RALYL: variants seen among roughly 807,000 people sequenced by gnomAD.
RALYL encodes the protein RALY RNA binding protein like, also known as RNA-binding Raly-like protein.
RALYL carries 29 observed loss-of-function variants against 35.1 expected under a neutral mutation model. That is an observed-to-expected ratio of 0.83 (90% CI 0.61 to 1.13). The LOEUF (loss-of-function observed/expected upper bound fraction) is 1.13. Among genes scored for constraint, RALYL ranks in the 50% most tolerant of loss-of-function variants. The pLI, the probability that RALYL is intolerant of heterozygous loss-of-function variation, is 0.00. For synonymous variants in RALYL, 120 were observed against 127.6 expected (o/e 0.94, Z 0.40); for missense variants, 359 against 360.4 (o/e 1.00, Z 0.03).
chr8:84,473,347 G>T (rs2053021921), intron 1 of RALYL, among the ~76,000 whole-genome samples: 2 of 151,178 alleles, frequency 1.3e-5, no homozygotes, highest in Non-Finnish European at 3.0e-5. Flanking sequence ...TGATTTATTA[G>T]ATTTAATATT....
intron 1 of RALYL, among the ~76,000 whole-genome samples, chr8:84,490,224 C>A (rs2055127484): frequency 6.6e-6 from 1 of 151,552 alleles, no homozygotes; most frequent in Non-Finnish European, 1.5e-5. Flanking sequence ...TTCATCTCAC[C>A]CTGCCCATTA....
At chr8:84,582,481 A>T (rs913949224) in intron 2 of RALYL, among the ~76,000 whole-genome samples, 2 of 152,110 alleles carry the variant, frequency 1.3e-5, no homozygotes, top group Admixed American at 6.5e-5. Context: ...TAACTGAAAA[A>T]AAAAGGCCAG....
intron 2 of RALYL, among the ~76,000 whole-genome samples, chr8:84,584,887 T>A (rs1811648843): frequency 6.6e-6 from 1 of 152,200 alleles, no homozygotes; most frequent in South Asian, 2.1e-4. Context: ...CTTCTTAGGA[T>A]CATAAAGAAA....
intron 1 of RALYL, among the ~76,000 whole-genome samples, chr8:84,197,004 C>T (rs1056837793): frequency 6.6e-6 from 1 of 152,194 alleles, no homozygotes; most frequent in African/African-American, 2.4e-5. Context: ...TTGGTAACAT[C>T]TTCATAGGAT....
intron 1 of RALYL, among the ~76,000 whole-genome samples, chr8:84,412,058 T>A (rs186328379): frequency 6.6e-6 from 1 of 152,008 alleles, no homozygotes; most frequent in African/African-American, 2.4e-5. Context: ...TAGCTGTTAT[T>A]AATTTTCACT....
At chr8:84,323,247 GA>G (rs1845203584) in intron 1 of RALYL, among the ~76,000 whole-genome samples, 2 of 151,858 alleles carry the variant, frequency 1.3e-5, no homozygotes, top group African/African-American at 4.8e-5. Context: ...CAAGTTTTAG[GA>G]AAAGCTCATA....
intron 1 of RALYL, among the ~76,000 whole-genome samples, chr8:84,300,848 G>C (rs114452986): frequency 0.022 from 3,414 of 152,002 alleles, 125 homozygotes; most frequent in African/African-American, 0.077. Flanking sequence ...CAACTTGCCA[G>C]CATACCTTTT....
intron 2 of RALYL, among the ~76,000 whole-genome samples, chr8:84,681,277 G>GTTGTATAGTTGAA (rs1835426345): frequency 1.3e-5 from 2 of 152,150 alleles, no homozygotes; most frequent in Admixed American, 6.5e-5. Flanking sequence ...TTTGAAGTCA[G>GTTGTATAGTTGAA]GTAGCATGAT....
chr8:84,371,622 A>G lies in RALYL; in HGVS notation c.-23-157677A>G, dbSNP rs964576877. Among the ~76,000 whole-genome samples, 7 of 151,714 alleles carry G rather than the reference A, an allele frequency of 4.6e-5. 1 individual carries two copies. Among genetic ancestry groups the G allele is most frequent in the Non-Finnish European group, 1.0e-4 (7 of 67,910 alleles). On this transcript the variant is annotated intron_variant, in intron 1 of 8. Coordinates refer to ENST00000521268, the MANE Select transcript of RALYL (RefSeq NM_173848.7). ...GCAGGAAAATTTTACGTATTACTTA[A>G]CTGAGTAGACTGAATACAAAATTCA...
chr8:84,295,064 TAGACA>T (rs1326267915), intron 1 of RALYL, among the ~76,000 whole-genome samples: 1 of 152,154 alleles, frequency 6.6e-6, no homozygotes, highest in Non-Finnish European at 1.5e-5. Flanking sequence ...ACCTGTTGGT[TAGACA>T]AACCTGAAAT....
In RALYL at chr8:84,419,982, T is replaced by G. The variant is rs574271763; in HGVS notation, c.-23-109317T>G. Among the ~76,000 whole-genome samples, 10 of 150,944 alleles carry G rather than the reference T, an allele frequency of 6.6e-5. No homozygotes were observed. The South Asian group carries it at 2.1e-3, about 32-fold the overall frequency. ...TGGGTTGGTTCCAAGTCTTTGCTATTGTGAATAATGCCGCAATAAACATAC... is the reference window on the plus strand; with the variant it reads ...TGGGTTGGTTCCAAGTCTTTGCTATGGTGAATAATGCCGCAATAAACATAC... On this transcript the variant is annotated intron_variant, in intron 1 of 8. Transcript: ENST00000521268.
chr8:84,478,013 CA>C (rs2133831203), intron 1 of RALYL, among the ~76,000 whole-genome samples: 1 of 152,094 alleles, frequency 6.6e-6, no homozygotes, highest in East Asian at 1.9e-4. Context: ...TTTAAAATTT[CA>C]GAAGTCAAAC....
At chr8:84,205,525 T>C (rs574159317) in intron 1 of RALYL, among the ~76,000 whole-genome samples, 1 of 152,316 alleles carries the variant, frequency 6.6e-6, no homozygotes, top group African/African-American at 2.4e-5. Flanking sequence ...AAAGCCACTG[T>C]AGCTATTTTA....
In RALYL at chr8:84,793,412, T is replaced by C. The variant is rs148565810; in HGVS notation, c.333-11358T>C. On this transcript the variant is annotated intron_variant, in intron 3 of 8. Coordinates refer to ENST00000521268, the MANE Select transcript of RALYL (RefSeq NM_173848.7). The stretch of plus-strand genomic sequence containing the variant: ...ACTGCTCTTCAAAGTTCATGTTAAC[T>C]AATAATTCATCATTGAACTTAGCAT... 8.3e-4 allele frequency among the ~76,000 whole-genome samples: 127 copies of C among 152,312 alleles called. 2 individuals carry two copies. The highest frequency in any genetic ancestry group is 2.9e-3 in the African/African-American group (121 of 41,564).
chr8:84,205,270 G>GA (rs1018452503), intron 1 of RALYL, among the ~76,000 whole-genome samples: 10 of 152,130 alleles, frequency 6.6e-5, no homozygotes, highest in Non-Finnish European at 8.8e-5. Flanking sequence ...CAGCTAAAGA[G>GA]AAAAATGTAA....
intron 2 of RALYL, among the ~76,000 whole-genome samples, chr8:84,624,702 GT>G (rs930901745): frequency 2.6e-5 from 4 of 152,146 alleles, no homozygotes; most frequent in Non-Finnish European, 5.9e-5. Flanking sequence ...GGACATGGAC[GT>G]CTTTGGGGAA....
intron 1 of RALYL, among the ~76,000 whole-genome samples, chr8:84,307,566 A>C (rs1404416976): frequency 6.6e-6 from 1 of 152,196 alleles, no homozygotes; most frequent in Admixed American, 6.5e-5. Context: ...CAAAACCAAA[A>C]ATTTCCTCTT....
intron 1 of RALYL, among the ~76,000 whole-genome samples, chr8:84,471,264 G>A (rs2052706905): frequency 6.6e-6 from 1 of 151,862 alleles, no homozygotes; most frequent in Non-Finnish European, 1.5e-5. Flanking sequence ...CTTTGTTTAG[G>A]CTTTTTCAAA....
intron 1 of RALYL, among the ~76,000 whole-genome samples, chr8:84,461,458 C>T (rs750496896): frequency 1.6e-4 from 25 of 151,640 alleles, no homozygotes; most frequent in Non-Finnish European, 3.5e-4. Flanking sequence ...TTTATGTTTT[C>T]AGCATAATTG....
Sources: gnomAD v4.1 joint callset for allele counts (sites outside exome capture counted in the v4.1 genomes callset) on GRCh38, gnomAD v4.1.1 for gene constraint, MANE v1.5 for transcripts, NCBI Gene and HGNC (gene_info 2026-07-23, HGNC 2026-07-21) for gene names.